The following RASEF variants were observed in gnomAD, a reference collection of about 807,000 sequenced individuals.
RASEF encodes the protein ras and EF-hand domain-containing protein.
A neutral mutation model predicts 90.1 loss-of-function variants in RASEF; 68 were observed. The ratio of observed to expected loss-of-function variants is 0.75; its 90% CI spans 0.62 to 0.92. RASEF has a LOEUF of 0.92. Ranked by LOEUF, RASEF falls within the 40% of genes least tolerant of loss-of-function variation. RASEF has a pLI of 0.00. For synonymous variants in RASEF, 331 were observed against 345.2 expected, an observed-to-expected ratio of 0.96 and a Z score of 0.46; for missense variants, 949 against 937.2, an observed-to-expected ratio of 1.01 and a Z score of -0.16.
Position 83,009,726 on chromosome 9 carries a change from C to G in RASEF, c.874G>C (p.Glu292Gln). ...AGAAAGGCTATGTTTGTCTGTGCTT[C>G]TAAAAGGTCTTTCTTAACTTTCTGG... ...ENQKVKKDLL[E>Q]AQTNIAFLQS... Residue 292 changes from glutamate (E) to glutamine (Q), a missense_variant, in exon 6 of 17, where the codon GAA becomes CAA. By Grantham distance (29) the Glu-to-Gln change is conservative. Transcript: ENST00000376447. 6.2e-7 allele frequency: 1 copy of G among 1,613,260 alleles called. No homozygotes were observed. Among genetic ancestry groups the G allele is most frequent in the South Asian group, 1.1e-5 (1 of 91,056 alleles).
the RASEF span, among the ~76,000 whole-genome samples, chr9:83,157,338 C>T: frequency 0.14 from 21,274 of 152,260 alleles, 1,846 homozygotes; most frequent in Non-Finnish European, 0.19. Flanking sequence ...GAAACTTAAT[C>T]CCTCTGCTCT....
chr9:83,161,681 AC>A, the RASEF span, among the ~76,000 whole-genome samples: 58 of 96,656 alleles, frequency 6.0e-4, no homozygotes, highest in East Asian at 1.4e-3. Flanking sequence ...TTGGGAGGGG[AC>A]AGGGGCCAAA....
chr9:83,203,601 C>T, the RASEF span, among the ~76,000 whole-genome samples: 3 of 152,050 alleles, frequency 2.0e-5, no homozygotes, highest in African/African-American at 4.8e-5. Context: ...TAGGTAAGTT[C>T]GTTGAAAGTG....
rs184355731 is a variant in RASEF, at chr9:82,980,491, T to C, written c.*2186A>G. The C allele has an allele frequency of 3.3e-5, 5 of 152,354 alleles. No homozygotes were observed. Among genetic ancestry groups the C allele is most frequent in the African/African-American group, 9.6e-5 (4 of 41,580 alleles). The allele number at this position is 152,354 out of a possible 1,614,324, so 9.4% of individuals were successfully genotyped here. On this transcript the variant is annotated 3_prime_UTR_variant, in exon 17 of 17. Coordinates refer to ENST00000376447, the MANE Select transcript of RASEF (RefSeq NM_152573.4). ...TGGTGTAATCTCATCAACGTGGCTA[T>C]ACTGACAGGACAATCCAGAGGTAAA...
chr9:83,071,407 CTGTT>C, the RASEF span, among the ~76,000 whole-genome samples: 17 of 152,016 alleles, frequency 1.1e-4, no homozygotes, highest in Non-Finnish European at 2.2e-4. Flanking sequence ...CATTCTGTTT[CTGTT>C]TTTTTGTTTT....
At chr9:83,055,547 A>G (rs1456310514) in intron 1 of RASEF, 2 of 709,256 alleles carry the variant, frequency 2.8e-6, no homozygotes, top group South Asian at 1.5e-5. Flanking sequence ...AGCTGTTCCT[A>G]TTCGGCCATC....
the RASEF span, among the ~76,000 whole-genome samples, chr9:83,208,066 A>C: frequency 1.3e-5 from 2 of 152,070 alleles, no homozygotes; most frequent in Non-Finnish European, 2.9e-5. Context: ...GTATTGTCTG[A>C]TTCCTTTCTC....
chr9:83,020,559 G>T (rs1266797536), intron 3 of RASEF, among the ~76,000 whole-genome samples: 1 of 152,228 alleles, frequency 6.6e-6, no homozygotes, highest in Non-Finnish European at 1.5e-5. Flanking sequence ...GTGCTGAGGT[G>T]TGGAGACCAC....
the RASEF span, among the ~76,000 whole-genome samples, chr9:83,068,190 TGCAAGAA>T: frequency 6.6e-6 from 1 of 152,220 alleles, no homozygotes; most frequent in Non-Finnish European, 1.5e-5. Flanking sequence ...ATATTATATA[TGCAAGAA>T]GTAGAGAAAT....
intron 3 of RASEF, among the ~76,000 whole-genome samples, chr9:83,018,095 A>T (rs1829376561): frequency 1.3e-5 from 2 of 152,316 alleles, no homozygotes; most frequent in South Asian, 4.1e-4. Context: ...TACTAACATC[A>T]CATTCAATGT....
At chr9:83,185,333 TTTTCTTTC>T in the RASEF span, among the ~76,000 whole-genome samples, 4 of 148,442 alleles carry the variant, frequency 2.7e-5, no homozygotes, top group African/African-American at 4.9e-5. Context: ...TGTGCTTTCT[TTTTCTTTC>T]TTTCTTTCTT....
chr9:82,983,584 C>T (rs1011236043), intron 16 of RASEF, among the ~76,000 whole-genome samples: 11 of 152,182 alleles, frequency 7.2e-5, no homozygotes, highest in Non-Finnish European at 1.3e-4. Flanking sequence ...AATAATTCTG[C>T]CCTTCCTTGT....
the RASEF span, among the ~76,000 whole-genome samples, chr9:83,069,018 T>TA: frequency 6.6e-6 from 1 of 152,212 alleles, no homozygotes; most frequent in Non-Finnish European, 1.5e-5. Flanking sequence ...CAGAAACTGT[T>TA]AAAACCTTTA....
At chr9:83,041,125 T>C (rs376534917) in intron 1 of RASEF, among the ~76,000 whole-genome samples, 9 of 152,290 alleles carry the variant, frequency 5.9e-5, no homozygotes, top group African/African-American at 1.9e-4. Flanking sequence ...CCTCCCAAAG[T>C]GCTGGGATTA....
chr9:83,001,513 T>C (rs555659887), intron 9 of RASEF, among the ~76,000 whole-genome samples: 6 of 152,330 alleles, frequency 3.9e-5, no homozygotes, highest in African/African-American at 1.2e-4. Context: ...ATTCTGAACA[T>C]TGTGTCCATT....
intron 14 of RASEF, among the ~76,000 whole-genome samples, chr9:82,993,953 A>T (rs1256519359): frequency 6.6e-6 from 1 of 152,230 alleles, no homozygotes; most frequent in Non-Finnish European, 1.5e-5. Flanking sequence ...AGACAACCTG[A>T]CTAGCACAGA....
At chr9:83,077,474 T>G in the RASEF span, among the ~76,000 whole-genome samples, 1 of 152,090 alleles carries the variant, frequency 6.6e-6, no homozygotes, top group Admixed American at 6.5e-5. Context: ...CCCTGACATA[T>G]CCACAAACTC....
At chr9:82,999,776 G>C (rs1253119848) in intron 12 of RASEF, among the ~76,000 whole-genome samples, 2 of 151,852 alleles carry the variant, frequency 1.3e-5, no homozygotes, top group South Asian at 2.1e-4. Flanking sequence ...ACTAATTTTT[G>C]TATTTTTGGT....
intron 16 of RASEF, among the ~76,000 whole-genome samples, chr9:82,987,260 T>C (rs1828726837): frequency 6.7e-6 from 1 of 148,534 alleles, no homozygotes; most frequent in Non-Finnish European, 1.5e-5. Flanking sequence ...ATGTTTGCTT[T>C]ATTTATAATT....
Sources: gnomAD v4.1 joint callset for allele counts (sites outside exome capture counted in the v4.1 genomes callset) on GRCh38, gnomAD v4.1.1 for gene constraint, MANE v1.5 for transcripts, NCBI Gene and HGNC (gene_info 2026-07-23, HGNC 2026-07-21) for gene names.